Variants in CASP8 observed in about 807,000 individuals in gnomAD.
The protein encoded by CASP8 is caspase-8.
A neutral mutation model predicts 46.3 loss-of-function variants in CASP8; 24 were observed. The observed-to-expected ratio is 0.52, with a 90% CI of 0.38 to 0.73. The LOEUF (loss-of-function observed/expected upper bound fraction) is 0.73. CASP8 is among the 30% of genes least tolerant of loss of function. CASP8 has a pLI of 0.00. For missense variants in CASP8, 460 were observed against 559.0 expected, an observed-to-expected ratio of 0.82 and a Z score of 1.79; for synonymous variants, 188 against 200.4, an observed-to-expected ratio of 0.94 and a Z score of 0.52.
At chr2:201,281,987 G>A (rs1347122895) in intron 7 of CASP8, 2 of 195,642 alleles carry the variant, frequency 1.0e-5, no homozygotes, top group East Asian at 4.5e-4. Context: ...CTCGCAGAGG[G>A]GGATTTGGCA....
rs768612301 is a variant in CASP8, at chr2:201,284,872, T to C, written c.859T>C (p.Cys287Arg). The C allele has an allele frequency of 6.2e-6, 10 of 1,614,032 alleles. No homozygotes were observed. The highest frequency in any genetic ancestry group is 7.6e-6 in the Non-Finnish European group (9 of 1,180,040). Residue 287 changes from cysteine (C) to arginine (R), a missense_variant, in exon 8 of 9, where the codon TGC becomes CGC. By Grantham distance (180) the Cys-to-Arg change is radical (BLOSUM62 -3). Transcript: ENST00000673742. Reference protein sequence around the residue: ...LHFEIKPHDDCTVEQIYEILK... With the variant: ...LHFEIKPHDDRTVEQIYEILK... ...TTTTGAGATCAAGCCCCACGATGACTGCACAGTAGAGCAAATCTATGAGAT... is the reference window on the plus strand; with the variant it reads ...TTTTGAGATCAAGCCCCACGATGACCGCACAGTAGAGCAAATCTATGAGAT...
chr2:201,286,217 C>A (rs1261936355), intron 8 of CASP8, among the ~76,000 whole-genome samples: 1 of 152,226 alleles, frequency 6.6e-6, no homozygotes, highest in Non-Finnish European at 1.5e-5. Context: ...AACTCTAATA[C>A]TGACACCGAG....
chr2:201,244,307 G>T (rs546932055), intron 2 of CASP8, among the ~76,000 whole-genome samples: 19 of 152,294 alleles, frequency 1.2e-4, no homozygotes, highest in African/African-American at 4.6e-4. Context: ...CCAGCATTTT[G>T]TCAAATTCAC....
At chr2:201,268,249 G>A (rs1947967166) in intron 2 of CASP8, among the ~76,000 whole-genome samples, 1 of 152,018 alleles carries the variant, frequency 6.6e-6, no homozygotes, top group Non-Finnish European at 1.5e-5. Flanking sequence ...TTGATTTTAA[G>A]TGAAAAAAGA....
intron 2 of CASP8, among the ~76,000 whole-genome samples, chr2:201,249,351 C>A (rs1347348562): frequency 1.3e-5 from 2 of 152,144 alleles, no homozygotes; most frequent in Admixed American, 6.5e-5. Flanking sequence ...TCATTGTCAC[C>A]TTTACCCATG....
intron 2 of CASP8, among the ~76,000 whole-genome samples, chr2:201,243,879 GT>G (rs1411607260): frequency 6.6e-6 from 1 of 152,202 alleles, no homozygotes; most frequent in Non-Finnish European, 1.5e-5. Flanking sequence ...CACAAAGTCT[GT>G]TCAAGTCTGT....
Position 201,260,583 on chromosome 2 carries a change from G to A in CASP8, c.-57G>A, listed in dbSNP as rs142930440. 6.1e-6 allele frequency: 6 copies of A among 984,492 alleles called. No homozygotes were observed. In the East Asian group the frequency reaches 6.8e-4, roughly 112 times the overall value. The allele number at this position is 984,492 out of a possible 1,614,324, so 61.0% of individuals were successfully genotyped here. ...TGCTCAGATGGTAGTGGATAGGCCT[G>A]TGACGAAGGTGCTACCATCGTGAGA... On this transcript the variant is annotated 5_prime_UTR_variant, in exon 1 of 9. It adds an upstream start codon to the 5' untranslated region. Transcript: ENST00000673742.
intron 2 of CASP8, among the ~76,000 whole-genome samples, chr2:201,246,082 T>C (rs7569396): frequency 0.034 from 5,187 of 152,248 alleles, 286 homozygotes; most frequent in African/African-American, 0.12. Flanking sequence ...GAGGCTGGTC[T>C]CGAACTCCCA....
intron 6 of CASP8, among the ~76,000 whole-genome samples, chr2:201,275,566 A>G (rs552051858): frequency 6.6e-6 from 1 of 152,318 alleles, no homozygotes; most frequent in African/African-American, 2.4e-5. Flanking sequence ...CTTGAGAGAG[A>G]TTATTCACTA....
At chr2:201,277,735 C>T in intron 7 of CASP8, 1 of 431,684 alleles carries the variant, frequency 2.3e-6, no homozygotes, top group Non-Finnish European at 4.6e-6. Context: ...AAGTCTCACT[C>T]TGTTGCCCAG....
intron 7 of CASP8, among the ~76,000 whole-genome samples, chr2:201,282,419 GTCA>G (rs1949119873): frequency 4.0e-5 from 3 of 74,958 alleles, no homozygotes; most frequent in Admixed American, 2.2e-4. Context: ...AACCGCCATT[GTCA>G]TCATGGCCCA....
Position 201,268,956 on chromosome 2 carries a change from T to A in CASP8, c.305+2165T>A, listed in dbSNP as rs34431685. Among the ~76,000 whole-genome samples, 186 of 133,374 alleles carry A rather than the reference T, an allele frequency of 1.4e-3. 1 individual carries two copies. The highest frequency in any genetic ancestry group is 3.9e-3 in the Middle Eastern group (1 of 254). 87.5% of individuals were successfully genotyped at this position (133,374 alleles called of 152,430 possible). A position where few individuals can be genotyped will look rare whatever the true frequency, so the allele number is the denominator to read the frequency against. On this transcript the variant is annotated intron_variant, in intron 2 of 8. Transcript: ENST00000673742. ...GTGTGTGTGTGTGTGTGTGTGTGTGTGAGACAGTGTCTCACTACATCGCCC... is the reference window on the plus strand; with the variant it reads ...GTGTGTGTGTGTGTGTGTGTGTGTGAGAGACAGTGTCTCACTACATCGCCC...
At chr2:201,247,306 ACTTTT>A (rs1295503509) in intron 2 of CASP8, among the ~76,000 whole-genome samples, 16 of 150,676 alleles carry the variant, frequency 1.1e-4, no homozygotes, top group Admixed American at 9.9e-4. Flanking sequence ...TCAGGGTGAG[ACTTTT>A]CTTTTAACTG....
intron 2 of CASP8, among the ~76,000 whole-genome samples, chr2:201,270,515 C>T (rs34988342): frequency 0.011 from 1,690 of 152,242 alleles, 29 homozygotes; most frequent in African/African-American, 0.036. Flanking sequence ...AAAAAGGGTA[C>T]GGACCTGGCC....
At chr2:201,251,448 A>G (rs1369648601) in intron 2 of CASP8, among the ~76,000 whole-genome samples, 1 of 152,058 alleles carries the variant, frequency 6.6e-6, no homozygotes, top group Non-Finnish European at 1.5e-5. Context: ...TACAAAAATT[A>G]GCTGGGCGTG....
At chr2:201,262,681 G>A (rs1371727474) in intron 1 of CASP8, among the ~76,000 whole-genome samples, 1 of 151,914 alleles carries the variant, frequency 6.6e-6, no homozygotes, top group Non-Finnish European at 1.5e-5. Flanking sequence ...CTGTTTTTAG[G>A]AACCAAAAAT....
intron 7 of CASP8, among the ~76,000 whole-genome samples, chr2:201,278,633 T>C (rs1412134577): frequency 1.3e-5 from 2 of 151,752 alleles, no homozygotes; most frequent in South Asian, 2.1e-4. Flanking sequence ...GCCTCCCAGG[T>C]TCAAGTGATT....
At chr2:201,238,645 G>A (rs2124876247) in intron 2 of CASP8, among the ~76,000 whole-genome samples, 1 of 152,232 alleles carries the variant, frequency 6.6e-6, no homozygotes, top group Non-Finnish European at 1.5e-5. Flanking sequence ...GTTTCATCAT[G>A]TTGGCCAGAC....
intron 1 of CASP8, among the ~76,000 whole-genome samples, chr2:201,261,490 G>T (rs1031358605): frequency 6.6e-6 from 1 of 152,140 alleles, no homozygotes. Context: ...TGCACTTGTG[G>T]GGTTAAGAAT....
Sources: gnomAD v4.1 joint callset for allele counts (sites outside exome capture counted in the v4.1 genomes callset) on GRCh38, gnomAD v4.1.1 for gene constraint, MANE v1.5 for transcripts, NCBI Gene and HGNC (gene_info 2026-07-23, HGNC 2026-07-21) for gene names.